Variants in HEATR1 observed in about 807,000 individuals in gnomAD.
The protein encoded by HEATR1 is HEAT repeat containing 1.
A neutral mutation model predicts 248.2 loss-of-function variants in HEATR1; 77 were observed. The observed-to-expected ratio is 0.31, with a 90% confidence interval of 0.26 to 0.37. The LOEUF (loss-of-function observed/expected upper bound fraction) is 0.37. Among genes scored for constraint, HEATR1 ranks in the 10% least tolerant of loss-of-function variants. The pLI is 1.00. For missense variants in HEATR1, 2,420 were observed against 2,504.9 expected (o/e 0.97, Z 0.72); for synonymous variants, 897 against 923.1 (o/e 0.97, Z 0.51).
rs1663756977 is a variant in HEATR1 at position 236,581,903 on chromosome 1, G to A, written c.2563-489C>T. ...ATTAACCAATCAAAAAGACTGGGCTGTTGTTATTTTTAAATATAGTAATGG... is the reference window on the plus strand; with the variant it reads ...ATTAACCAATCAAAAAGACTGGGCTATTGTTATTTTTAAATATAGTAATGG... On this transcript the variant is annotated intron_variant, in intron 19 of 44. Coordinates refer to ENST00000366582, the MANE Select transcript of HEATR1 (RefSeq NM_018072.6). 2.0e-5 allele frequency among the ~76,000 whole-genome samples: 3 copies of A among 152,156 alleles called. No homozygotes were observed. In the South Asian group the frequency reaches 6.2e-4, roughly 32 times the overall value.
At chr1:236,578,750 C>T (rs1663633057) in intron 20 of HEATR1, among the ~76,000 whole-genome samples, 1 of 152,110 alleles carries the variant, frequency 6.6e-6, no homozygotes, top group Admixed American at 6.6e-5. Flanking sequence ...TGTCTGTAGG[C>T]TTTCTCAATT....
rs1300070457 is a variant in HEATR1 at position 236,582,643 on chromosome 1, T to G, written c.2562+93A>C. 2.3e-6 allele frequency: 3 copies of G among 1,303,476 alleles called. No homozygotes were observed. The Admixed American group carries it at 5.3e-5, about 23-fold the overall frequency. The allele number at this position is 1,303,476 out of a possible 1,614,324, so 80.7% of individuals were successfully genotyped here. A position where few individuals can be genotyped will look rare whatever the true frequency, so the allele number is the denominator to read the frequency against. On this transcript the variant is annotated intron_variant, in intron 19 of 44. Coordinates refer to ENST00000366582, the MANE Select transcript of HEATR1 (RefSeq NM_018072.6). ...GTATTGAACTCCTGACCTCAAGTGA[T>G]CCGCCTGCCTCGGCCTCCCAAAGTG...
intron 44 of HEATR1, 113 bp downstream of exon 44, chr1:236,551,886 T>G: frequency 1.4e-6 from 1 of 722,274 alleles, no homozygotes; most frequent in South Asian, 1.7e-5. Flanking sequence ...GAGGACTGGA[T>G]CAACTGCTAG....
At chr1:236,598,106 AAC>A in intron 4 of HEATR1, 127 bp from the exon 5 acceptor site, 1 of 558,652 alleles carries the variant, frequency 1.8e-6, no homozygotes, top group Non-Finnish European at 3.1e-6. Context: ...CTCTCCTTAT[AAC>A]TGGTGGTGGT....
chr1:236,575,989 AG>A (rs987164654), intron 22 of HEATR1, among the ~76,000 whole-genome samples: 17 of 152,218 alleles, frequency 1.1e-4, no homozygotes, highest in African/African-American at 3.9e-4. Context: ...ATGATTAGAC[AG>A]GGACAACACA....
chr1:236,562,869 T>C (rs1558179869), intron 32 of HEATR1, among the ~76,000 whole-genome samples: 1 of 152,242 alleles, frequency 6.6e-6, no homozygotes, highest in Non-Finnish European at 1.5e-5. Context: ...CTTATAAGTT[T>C]ATGTTTGTAT....
At chr1:236,581,905 T>C (rs1353791601) in intron 19 of HEATR1, among the ~76,000 whole-genome samples, 1 of 152,214 alleles carries the variant, frequency 6.6e-6, no homozygotes, top group Admixed American at 6.5e-5. Context: ...ACTGGGCTGT[T>C]GTTATTTTTA....
chr1:236,575,115 C>T (rs1420257390), intron 22 of HEATR1, among the ~76,000 whole-genome samples: 1 of 152,148 alleles, frequency 6.6e-6, no homozygotes, highest in Non-Finnish European at 1.5e-5. Flanking sequence ...CTCAAAAGTG[C>T]TAAACCCTTC....
At chr1:236,581,705 G>A (rs987546452) in intron 19 of HEATR1, among the ~76,000 whole-genome samples, 1 of 152,172 alleles carries the variant, frequency 6.6e-6, no homozygotes, top group Non-Finnish European at 1.5e-5. Flanking sequence ...AATGTGCTGA[G>A]CAATGCCAAC....
At chr1:236,565,868 TTC>T in intron 31 of HEATR1, 49 bp downstream of exon 31, 1 of 1,560,218 alleles carries the variant, frequency 6.4e-7, no homozygotes, top group Non-Finnish European at 8.7e-7. Flanking sequence ...TCTCTTCTGT[TTC>T]TCTTTAGCTT....
At chr1:236,565,770 A>G (rs147435413) in intron 31 of HEATR1, 149 bp downstream of exon 31, 14 of 749,312 alleles carry the variant, frequency 1.9e-5, no homozygotes, top group African/African-American at 3.5e-5. Flanking sequence ...ACTATTTTCC[A>G]TAAGGATTCA....
At position 236,566,142 on chromosome 1, in the gene HEATR1, T is replaced by C; in HGVS notation, c.4309-97A>G. The C allele has an allele frequency of 3.4e-6, 4 of 1,190,344 alleles. No individual in the cohort carries two copies. The Admixed American group carries it at 9.9e-5, about 29-fold the overall frequency. The allele number at this position is 1,190,344 out of a possible 1,614,324, so 73.7% of individuals were successfully genotyped here. On this transcript the variant is annotated intron_variant, in intron 30 of 44. Transcript: ENST00000366582. ...CGTTAGGATTTCTAGCAGAACAGAGTATACTACTTTATTTAGAGTGGGTCG... is the reference window on the plus strand; with the variant it reads ...CGTTAGGATTTCTAGCAGAACAGAGCATACTACTTTATTTAGAGTGGGTCG...
chr1:236,595,941 GC>G lies in HEATR1; in HGVS notation c.847del (p.Ala283HisfsTer8). On this transcript the variant is annotated frameshift_variant, in exon 7 of 45. Coordinates refer to ENST00000366582, the MANE Select transcript of HEATR1 (RefSeq NM_018072.6). LOFTEE classifies it high-confidence loss of function. ...GGTCAATGTTTTGATGATCTGTGATGCCAATGAATTCACAAAGGTATTTTCC... is the reference window on the plus strand; with the variant it reads ...GGTCAATGTTTTGATGATCTGTGATGCAATGAATTCACAAAGGTATTTTCC... ...TMENTFVNSL[A>X]SQIIKTLTKI... The G allele has an allele frequency of 1.2e-6, 2 of 1,613,364 alleles. No individual in the cohort carries two copies. Among genetic ancestry groups the G allele is most frequent in the Non-Finnish European group, 1.7e-6 (2 of 1,179,344 alleles).
At chr1:236,557,067 C>G in intron 37 of HEATR1, 128 bp downstream of exon 37, 1 of 944,400 alleles carries the variant, frequency 1.1e-6, no homozygotes, top group Non-Finnish European at 1.5e-6. Flanking sequence ...AAGCACATCT[C>G]TTCAGAAATA....
intron 19 of HEATR1, 33 bp downstream of exon 19, chr1:236,582,703 G>A (rs972878799): frequency 1.9e-6 from 3 of 1,611,392 alleles, no homozygotes; most frequent in Admixed American, 3.3e-5. Context: ...TTCTTTAAGG[G>A]TAGAGTACGC....
At chr1:236,586,144 TG>T in intron 15 of HEATR1, 96 bp downstream of exon 15, 1 of 1,132,120 alleles carries the variant, frequency 8.8e-7, no homozygotes. Flanking sequence ...AAGACCTTAC[TG>T]GCATATAAGC....
Position 236,550,645 on chromosome 1 carries a change from G to C in HEATR1, c.*257C>G. On this transcript the variant is annotated 3_prime_UTR_variant, in exon 45 of 45. Transcript: ENST00000366582. ...ATCAATCAGGAAGAGAATAATAAAT[G>C]TTTAAACAAACACAGCAGTCTGTAT... 2.5e-6 allele frequency: 1 copy of C among 403,500 alleles called. No individual in the cohort carries two copies. The highest frequency in any genetic ancestry group is 4.0e-5 in the East Asian group (1 of 25,224). 25.0% of individuals were successfully genotyped at this position (403,500 alleles called of 1,614,324 possible).
rs371849638 is a variant in HEATR1, at chr1:236,574,258, A to G, written c.3403T>C (p.Leu1135=). 332 of 1,613,138 alleles carry G rather than the reference A, an allele frequency of 2.1e-4. No individual in the cohort carries two copies. The highest frequency in any genetic ancestry group is 2.6e-4 in the Non-Finnish European group (308 of 1,179,526). ...CAATGTGAGTTTTTACAGTTCACCA[A>G]TAAATCAAACAACATTCTTAAAAGC... ...QKLLRMLFDL[L]VNCKNSHCAQ... Residue 1135 remains leucine (L), a synonymous_variant, in exon 24 of 45, where the codon TTG becomes CTG. Transcript: ENST00000366582.
At position 236,583,216 on chromosome 1, in the gene HEATR1, A is replaced by G. The variant is rs1663800412; in HGVS notation, c.2242-20T>C. The G allele has an allele frequency of 6.4e-7, 1 of 1,567,266 alleles. No homozygotes were observed. Among genetic ancestry groups the G allele is most frequent in the South Asian group, 1.2e-5 (1 of 85,346 alleles). On this transcript the variant is annotated intron_variant, in intron 17 of 44. Transcript: ENST00000366582. ...GATTTCCTGAAATGTTAAAGGAAACAAAAACTAGTACAAACTAAGGGTTCT... is the reference window on the plus strand; with the variant it reads ...GATTTCCTGAAATGTTAAAGGAAACGAAAACTAGTACAAACTAAGGGTTCT...
Sources: gnomAD v4.1 joint callset for allele counts (sites outside exome capture counted in the v4.1 genomes callset) on GRCh38, gnomAD v4.1.1 for gene constraint, MANE v1.5 for transcripts, NCBI Gene and HGNC (gene_info 2026-07-23, HGNC 2026-07-21) for gene names.